Variants in TMOD2 observed in about 807,000 individuals in gnomAD.
TMOD2 encodes the protein tropomodulin-2.
TMOD2 carries 22 observed loss-of-function variants against 39.9 expected under a neutral mutation model. That is an observed-to-expected ratio of 0.55 (90% CI 0.39 to 0.79). The LOEUF (loss-of-function observed/expected upper bound fraction) is 0.79. Among genes scored for constraint, TMOD2 ranks in the 30% least tolerant of loss-of-function variants. TMOD2 has a pLI of 0.00. For synonymous variants in TMOD2, 123 were observed against 146.1 expected (o/e 0.84, Z 1.14); for missense variants, 386 against 413.3 (o/e 0.93, Z 0.57).
intron 7 of TMOD2, among the ~76,000 whole-genome samples, chr15:51,786,964 A>T (rs138125372): frequency 0.017 from 2,524 of 152,282 alleles, 90 homozygotes; most frequent in Admixed American, 0.072. Flanking sequence ...GGTTCATCTC[A>T]CTGGGACTGG....
chr15:51,758,215 A>G (rs1037612059), intron 1 of TMOD2, among the ~76,000 whole-genome samples: 2 of 152,080 alleles, frequency 1.3e-5, no homozygotes, highest in African/African-American at 4.8e-5. Flanking sequence ...AACATAGGCA[A>G]TTTGTTTTAA....
Position 51,813,093 on chromosome 15 carries a change from C to G in TMOD2, c.*4639C>G, listed in dbSNP as rs1011633376. ...ATATTATTCACTGCTTTATTGCTCC[C>G]TAACCCTAGATCAGATTGGATTTTA... On this transcript the variant is annotated 3_prime_UTR_variant, in exon 10 of 10. Coordinates refer to ENST00000249700, the MANE Select transcript of TMOD2 (RefSeq NM_014548.4). 12 of 152,198 alleles carry G rather than the reference C, an allele frequency of 7.9e-5. No homozygotes were observed. The highest frequency in any genetic ancestry group is 2.9e-4 in the African/African-American group (12 of 41,438). 9.4% of individuals were successfully genotyped at this position (152,198 alleles called of 1,614,324 possible).
At chr15:51,753,654 AATAGTTCAT>A (rs2055722774) in intron 1 of TMOD2, among the ~76,000 whole-genome samples, 1 of 152,150 alleles carries the variant, frequency 6.6e-6, no homozygotes, top group Non-Finnish European at 1.5e-5. Context: ...TAGGTGCAAT[AATAGTTCAT>A]TCTTGTGGTT....
At chr15:51,753,829 G>A (rs2055724075) in intron 1 of TMOD2, among the ~76,000 whole-genome samples, 1 of 152,030 alleles carries the variant, frequency 6.6e-6, no homozygotes, top group African/African-American at 2.4e-5. Flanking sequence ...AATGATGACG[G>A]TTGGTGAATC....
chr15:51,787,716 A>G (rs2055980678), intron 7 of TMOD2, among the ~76,000 whole-genome samples: 1 of 152,232 alleles, frequency 6.6e-6, no homozygotes, highest in African/African-American at 2.4e-5. Flanking sequence ...CCAGGAAAAC[A>G]GGGTCTGGAG....
rs1031787390 is a variant in TMOD2 at position 51,754,051 on chromosome 15, TG to T, written c.-70+2346del. Among the ~76,000 whole-genome samples the T allele has an allele frequency of 4.7e-5, 7 of 149,408 alleles. No individual in the cohort carries two copies. In the East Asian group the frequency reaches 7.8e-4, roughly 17 times the overall value. On this transcript the variant is annotated intron_variant, in intron 1 of 9. Transcript: ENST00000249700. Reference sequence around the variant, plus strand: ...TGAAATCACCTATTGGAGGTGTGAGTGGGGGGGACGGGGGGTTGGTGTTCCC... The same window carrying T: ...TGAAATCACCTATTGGAGGTGTGAGTGGGGGGACGGGGGGTTGGTGTTCCC...
intron 5 of TMOD2, 117 bp from the exon 6 acceptor site, chr15:51,780,927 T>A (rs2141626408): frequency 2.6e-6 from 2 of 776,094 alleles, no homozygotes; most frequent in South Asian, 3.8e-5. Context: ...CCTACTGTCA[T>A]TGCTATTAAA....
At chr15:51,771,959 C>T (rs1167502702) in intron 3 of TMOD2, among the ~76,000 whole-genome samples, 1 of 152,144 alleles carries the variant, frequency 6.6e-6, no homozygotes, top group Non-Finnish European at 1.5e-5. Context: ...TGCCAGGATG[C>T]CCCAGACTGA....
At chr15:51,773,859 T>G (rs778854535) in intron 4 of TMOD2, 25 bp downstream of exon 4, 2 of 1,589,540 alleles carry the variant, frequency 1.3e-6, no homozygotes, top group South Asian at 2.3e-5. Flanking sequence ...CTGGGAACTT[T>G]CCTGTCTGGC....
intron 1 of TMOD2, among the ~76,000 whole-genome samples, chr15:51,762,374 G>A (rs898724967): frequency 2.6e-5 from 4 of 152,032 alleles, no homozygotes; most frequent in African/African-American, 4.8e-5. Flanking sequence ...TGGGAGAATC[G>A]CTTGAGCCCA....
intron 9 of TMOD2, among the ~76,000 whole-genome samples, chr15:51,807,955 T>C (rs749369927): frequency 6.6e-5 from 10 of 152,338 alleles, no homozygotes; most frequent in Admixed American, 1.3e-4. Context: ...TGTAGGTTGA[T>C]ACTTAGAAGT....
At chr15:51,788,668 G>A (rs749206912) in intron 7 of TMOD2, among the ~76,000 whole-genome samples, 5 of 151,588 alleles carry the variant, frequency 3.3e-5, no homozygotes, top group East Asian at 1.9e-4. Flanking sequence ...GACTAACAGC[G>A]GATCTCTCAA....
At chr15:51,802,396 G>A (rs188220911) in intron 8 of TMOD2, among the ~76,000 whole-genome samples, 5 of 152,274 alleles carry the variant, frequency 3.3e-5, no homozygotes, top group Middle Eastern at 3.4e-3. Flanking sequence ...TACAGTTGAC[G>A]TCTATATAAA....
rs2056159457 is a variant in TMOD2 at position 51,811,974 on chromosome 15, AT to A, written c.*3521del. 2 of 152,210 alleles carry A rather than the reference AT, an allele frequency of 1.3e-5. No homozygotes were observed. Among genetic ancestry groups the A allele is most frequent in the Admixed American group, 6.5e-5 (1 of 15,268 alleles). The allele number at this position is 152,210 out of a possible 1,614,324, so 9.4% of individuals were successfully genotyped here. A position where few individuals can be genotyped will look rare whatever the true frequency, so the allele number is the denominator to read the frequency against. ...TTAACATTCCATCCTCATCAACATGATGAAGCCCCTTTCTTCCATCTTTGTA... is the reference window on the plus strand; with the variant it reads ...TTAACATTCCATCCTCATCAACATGAGAAGCCCCTTTCTTCCATCTTTGTA... On this transcript the variant is annotated 3_prime_UTR_variant, in exon 10 of 10. Coordinates refer to ENST00000249700, the MANE Select transcript of TMOD2 (RefSeq NM_014548.4).
chr15:51,777,472 G>A (rs1041908723), intron 5 of TMOD2, among the ~76,000 whole-genome samples: 2 of 152,134 alleles, frequency 1.3e-5, no homozygotes, highest in African/African-American at 4.8e-5. Flanking sequence ...GAATTTGAAT[G>A]TCCACTTCCC....
chr15:51,763,581 A>G (rs1050455288), intron 1 of TMOD2, among the ~76,000 whole-genome samples: 1 of 152,218 alleles, frequency 6.6e-6, no homozygotes, highest in Admixed American at 6.5e-5. Context: ...TCACTCTGTA[A>G]TTATGTGGAA....
At position 51,798,308 on chromosome 15, in the gene TMOD2, G is replaced by C. The variant is rs1283103085; in HGVS notation, c.844G>C (p.Asp282His). Residue 282 changes from aspartate (D) to histidine (H), a missense_variant, in exon 8 of 10, where the codon GAC (aspartate) becomes CAC (histidine). Coordinates refer to ENST00000249700, the MANE Select transcript of TMOD2 (RefSeq NM_014548.4). ...CCTGGTAGAGGCACTGAAAGAAAAT[G>C]ACACCTTGACAGAAATCAAGATTGA... is the stretch of plus-strand genomic sequence containing the variant. ...LALVEALKEN[D>H]TLTEIKIDNQ... is the part of the protein sequence containing the mutation. The C allele has an allele frequency of 1.2e-6, 2 of 1,613,434 alleles. No homozygotes were observed. The highest frequency in any genetic ancestry group is 1.7e-6 in the Non-Finnish European group (2 of 1,179,902).
intron 8 of TMOD2, among the ~76,000 whole-genome samples, chr15:51,802,737 G>A (rs931572895): frequency 6.6e-6 from 1 of 152,134 alleles, no homozygotes; most frequent in Non-Finnish European, 1.5e-5. Flanking sequence ...AAACTCTGAG[G>A]TCAGCATCTC....
intron 6 of TMOD2, among the ~76,000 whole-genome samples, chr15:51,782,134 G>T (rs865853756): frequency 1.3e-5 from 2 of 152,206 alleles, no homozygotes; most frequent in African/African-American, 4.8e-5. Context: ...AGATAAATAA[G>T]ATTTATTCAG....
Sources: gnomAD v4.1 joint callset for allele counts (sites outside exome capture counted in the v4.1 genomes callset) on GRCh38, gnomAD v4.1.1 for gene constraint, MANE v1.5 for transcripts, NCBI Gene and HGNC (gene_info 2026-07-23, HGNC 2026-07-21) for gene names.